RAB27B: variants seen among roughly 807,000 people sequenced by gnomAD.
RAB27B encodes the protein ras-related protein Rab-27B.
In RAB27B, 15 loss-of-function variants were observed where a neutral mutation model predicts 24.6. The observed-to-expected ratio is 0.61, with a 90% CI of 0.41 to 0.94. RAB27B has a LOEUF of 0.94. RAB27B is among the 40% of genes least tolerant of loss of function. The pLI, the probability that RAB27B is intolerant of heterozygous loss-of-function variation, is 0.00. For missense variants in RAB27B, 261 were observed against 266.8 expected, an observed-to-expected ratio of 0.98 and a Z score of 0.15; for synonymous variants, 105 against 92.5, an observed-to-expected ratio of 1.14 and a Z score of -0.78.
At chr18:54,818,305 A>C (rs1309368351) in intron 2 of RAB27B, among the ~76,000 whole-genome samples, 1 of 148,198 alleles carries the variant, frequency 6.7e-6, no homozygotes, top group East Asian at 1.9e-4. Flanking sequence ...AACAATTACA[A>C]GCCCTCCCAG....
At chr18:54,768,753 AG>A (rs1908446370) in intron 2 of RAB27B, among the ~76,000 whole-genome samples, 1 of 152,140 alleles carries the variant, frequency 6.6e-6, no homozygotes, top group South Asian at 2.1e-4. Flanking sequence ...CCTTTGTCAC[AG>A]GGTACCAGGA....
chr18:54,860,820 CT>C (rs763471435), intron 1 of RAB27B, among the ~76,000 whole-genome samples: 10 of 152,142 alleles, frequency 6.6e-5, no homozygotes, highest in Non-Finnish European at 1.5e-4. Context: ...AAACAAGCAC[CT>C]TCTTTGGACT....
chr18:54,777,471 G>A (rs1326814127), intron 2 of RAB27B, among the ~76,000 whole-genome samples: 1 of 152,228 alleles, frequency 6.6e-6, no homozygotes, highest in Non-Finnish European at 1.5e-5. Context: ...CTCCACCTGA[G>A]CTCTAGCTGC....
At position 54,794,973 on chromosome 18, in the gene RAB27B, G is replaced by A. The variant is rs117123810; in HGVS notation, c.-20+76832G>A. ...CTCCTATTTAATGTAGAGACTAAAA[G>A]CATTGTTTTCCAAAGTGAAACTTTC... On this transcript the variant is annotated intron_variant, in intron 2 of 4. Transcript: ENST00000586570. Among the ~76,000 whole-genome samples the A allele has an allele frequency of 3.2e-3, 494 of 152,332 alleles. 2 individuals carry two copies. The highest frequency in any genetic ancestry group is 4.3e-3 in the Non-Finnish European group (292 of 68,032).
intron 2 of RAB27B, among the ~76,000 whole-genome samples, chr18:54,738,022 G>C (rs1415445025): frequency 1.3e-5 from 2 of 151,944 alleles, no homozygotes; most frequent in Non-Finnish European, 2.9e-5. Context: ...TGCTGAATGG[G>C]TACAATAAAA....
chr18:54,850,235 AT>A (rs1470033231), intron 1 of RAB27B, among the ~76,000 whole-genome samples: 1 of 150,854 alleles, frequency 6.6e-6, no homozygotes, highest in East Asian at 1.9e-4. Context: ...AAATATAATT[AT>A]ATTTGCATAT....
intron 2 of RAB27B, among the ~76,000 whole-genome samples, chr18:54,739,105 C>T (rs1480696944): frequency 6.6e-6 from 1 of 152,082 alleles, no homozygotes; most frequent in African/African-American, 2.4e-5. Context: ...TTGAGTTTTG[C>T]TGTGTGTTGT....
At chr18:54,727,946 C>T (rs868387065) in intron 2 of RAB27B, among the ~76,000 whole-genome samples, 5 of 152,190 alleles carry the variant, frequency 3.3e-5, no homozygotes, top group African/African-American at 7.2e-5. Context: ...CTCCACGCTA[C>T]AGCTCCCTGA....
chr18:54,854,718 A>G (rs904132297), intron 1 of RAB27B, among the ~76,000 whole-genome samples: 1 of 152,230 alleles, frequency 6.6e-6, no homozygotes, highest in Non-Finnish European at 1.5e-5. Context: ...CTGAAGAATC[A>G]AGTCCAAATA....
chr18:54,760,975 A>C (rs1908167685), intron 2 of RAB27B, among the ~76,000 whole-genome samples: 1 of 149,166 alleles, frequency 6.7e-6, no homozygotes, highest in Non-Finnish European at 1.5e-5. Flanking sequence ...TGGAGGGGCA[A>C]CTGTTAAAGG....
At chr18:54,849,555 A>G (rs1911473098) in intron 1 of RAB27B, among the ~76,000 whole-genome samples, 1 of 152,098 alleles carries the variant, frequency 6.6e-6, no homozygotes, top group South Asian at 2.1e-4. Context: ...CACTGTCTCT[A>G]CTAAAAAATA....
At chr18:54,790,744 C>T (rs1909223224) in intron 2 of RAB27B, among the ~76,000 whole-genome samples, 1 of 152,034 alleles carries the variant, frequency 6.6e-6, no homozygotes, top group African/African-American at 2.4e-5. Flanking sequence ...ATTTAGAAAT[C>T]CAATTAAGTG....
intron 1 of RAB27B, among the ~76,000 whole-genome samples, chr18:54,867,514 T>C (rs919001678): frequency 6.8e-6 from 1 of 146,866 alleles, no homozygotes; most frequent in Admixed American, 7.0e-5. Flanking sequence ...TGACGCTATC[T>C]CGGCTCACTG....
At chr18:54,809,682 T>A (rs1218067070) in intron 2 of RAB27B, among the ~76,000 whole-genome samples, 1 of 152,232 alleles carries the variant, frequency 6.6e-6, no homozygotes, top group Admixed American at 6.5e-5. Context: ...GTTAAGTAAA[T>A]GTAATTGATT....
chr18:54,797,444 A>T (rs1357863781), intron 2 of RAB27B, among the ~76,000 whole-genome samples: 3 of 152,294 alleles, frequency 2.0e-5, no homozygotes, highest in Admixed American at 1.3e-4. Context: ...TGACCCTGGG[A>T]GGTGGAGGTT....
intron 1 of RAB27B, among the ~76,000 whole-genome samples, chr18:54,858,029 A>G (rs990192110): frequency 6.6e-6 from 1 of 152,240 alleles, no homozygotes; most frequent in African/African-American, 2.4e-5. Flanking sequence ...AGTTTACAAC[A>G]TCATAGTCCC....
intron 2 of RAB27B, among the ~76,000 whole-genome samples, chr18:54,818,239 G>A (rs1910181865): frequency 6.6e-6 from 1 of 152,176 alleles, no homozygotes; most frequent in Non-Finnish European, 1.5e-5. Flanking sequence ...GAGTTAGGGT[G>A]GGTCTTTGAA....
Position 54,820,828 on chromosome 18 carries a change from T to C in RAB27B, c.-19-56739T>C, listed in dbSNP as rs1005866222. ...AGGAAGGGATCCAGTTTCAGCTTTC[T>C]ACATATGGCTAGCTAGTTTTCCCAG... On this transcript the variant is annotated intron_variant, in intron 2 of 4. Coordinates refer to the RAB27B transcript ENST00000586570. Among the ~76,000 whole-genome samples, 13 of 152,334 alleles carry C rather than the reference T, an allele frequency of 8.5e-5. No individual in the cohort carries two copies. In the South Asian group the frequency reaches 2.1e-3, roughly 24 times the overall value.
chr18:54,726,260 G>A (rs1050258141), intron 2 of RAB27B, among the ~76,000 whole-genome samples: 1 of 151,490 alleles, frequency 6.6e-6, no homozygotes, highest in Admixed American at 6.6e-5. Flanking sequence ...AGTATATTTA[G>A]TATTCCAGTT....
Sources: allele counts gnomAD v4.1 joint callset (sites outside exome capture counted in the v4.1 genomes callset), GRCh38; gene constraint gnomAD v4.1.1; transcripts MANE v1.5; gene names NCBI Gene and HGNC (gene_info 2026-07-23, HGNC 2026-07-21).